GRM1: variants seen among roughly 807,000 people sequenced by gnomAD.
The protein encoded by GRM1 is metabotropic glutamate receptor 1.
GRM1 carries 33 observed loss-of-function variants against 90.9 expected under a neutral mutation model. The ratio of observed to expected loss-of-function variants is 0.36; its 90% confidence interval spans 0.28 to 0.49. GRM1 has a LOEUF of 0.49. Among genes scored for constraint, GRM1 ranks in the 20% least tolerant of loss-of-function variants. The pLI, the probability that GRM1 is intolerant of heterozygous loss-of-function variation, is 0.99. For synonymous variants in GRM1, 700 were observed against 613.2 expected (o/e 1.14, Z -2.09); for missense variants, 1,190 against 1,534.3 (o/e 0.78, Z 3.75).
At chr6:146,086,358 T>C (rs772136113) in intron 1 of GRM1, among the ~76,000 whole-genome samples, 2 of 152,120 alleles carry the variant, frequency 1.3e-5, no homozygotes, top group Non-Finnish European at 2.9e-5. Context: ...GTTTACAATA[T>C]AAGCTACAAC....
rs181442421 is a variant in GRM1 at position 146,394,276 on chromosome 6, G to C, written c.1730-4493G>C. ...TTAATATAACTAAATTATTGAGTTAGTGTGATGATTGTCTCTAGTATATCT... is the reference window on the plus strand; with the variant it reads ...TTAATATAACTAAATTATTGAGTTACTGTGATGATTGTCTCTAGTATATCT... On this transcript the variant is annotated intron_variant, in intron 6 of 7. Coordinates refer to ENST00000282753, the MANE Select transcript of GRM1 (RefSeq NM_001278064.2). Among the ~76,000 whole-genome samples the C allele has an allele frequency of 1.5e-3, 228 of 152,254 alleles. 2 individuals are homozygous for C. The Middle Eastern group carries it at 0.034, about 23-fold the overall frequency.
chr6:146,035,188 A>G (rs193298196), intron 1 of GRM1, among the ~76,000 whole-genome samples: 116 of 152,106 alleles, frequency 7.6e-4, no homozygotes, highest in African/African-American at 2.7e-3. Context: ...AGTCTGGGGT[A>G]AGAACTAATA....
intron 1 of GRM1, among the ~76,000 whole-genome samples, chr6:146,076,510 C>T (rs747284724): frequency 3.9e-4 from 59 of 151,978 alleles, no homozygotes; most frequent in Non-Finnish European, 6.2e-4. Context: ...AGATATAGCT[C>T]GAAGGTTTGC....
chr6:146,163,797 C>T (rs1777816560), intron 2 of GRM1, among the ~76,000 whole-genome samples: 1 of 152,128 alleles, frequency 6.6e-6, no homozygotes, highest in African/African-American at 2.4e-5. Flanking sequence ...AATTATTTTA[C>T]ATTTCTAGTT....
intron 1 of GRM1, among the ~76,000 whole-genome samples, chr6:146,034,088 C>T (rs1234264099): frequency 1.3e-5 from 2 of 152,020 alleles, no homozygotes; most frequent in African/African-American, 2.4e-5. Flanking sequence ...ACGTGCTTGC[C>T]CACGCTCAAA....
intron 5 of GRM1, among the ~76,000 whole-genome samples, chr6:146,384,359 T>C (rs975232720): frequency 6.6e-6 from 1 of 152,052 alleles, no homozygotes; most frequent in Admixed American, 6.6e-5. Context: ...AGTAGAGATA[T>C]CTTGTTGAAT....
chr6:146,418,482 C>T (rs1777865918), intron 7 of GRM1, among the ~76,000 whole-genome samples: 1 of 151,692 alleles, frequency 6.6e-6, no homozygotes, highest in Non-Finnish European at 1.5e-5. Flanking sequence ...AAAGAAAAAT[C>T]ACCACTGATA....
chr6:146,315,430 T>C (rs1783933423), intron 3 of GRM1, among the ~76,000 whole-genome samples: 1 of 152,090 alleles, frequency 6.6e-6, no homozygotes, highest in Admixed American at 6.6e-5. Flanking sequence ...ATTGAATCCT[T>C]AGAGATGTAA....
intron 1 of GRM1, among the ~76,000 whole-genome samples, chr6:146,060,273 G>T (rs1775618168): frequency 6.6e-6 from 1 of 151,924 alleles, no homozygotes; most frequent in African/African-American, 2.4e-5. Context: ...TCAGGCTCAG[G>T]TGTACATGTG....
intron 3 of GRM1, among the ~76,000 whole-genome samples, chr6:146,310,418 C>G (rs1783732157): frequency 1.3e-5 from 2 of 152,194 alleles, no homozygotes; most frequent in Non-Finnish European, 2.9e-5. Context: ...AATAACTTCT[C>G]TTTATCTTGG....
chr6:146,263,348 T>C (rs983857656), intron 2 of GRM1, among the ~76,000 whole-genome samples: 4 of 151,998 alleles, frequency 2.6e-5, no homozygotes, highest in Admixed American at 2.0e-4. Flanking sequence ...ATTAGTATGA[T>C]TGCAGTTTTG....
chr6:146,076,895 C>G (rs540183493), intron 1 of GRM1, among the ~76,000 whole-genome samples: 1 of 152,118 alleles, frequency 6.6e-6, no homozygotes, highest in South Asian at 2.1e-4. Flanking sequence ...CTGCGTATAC[C>G]CTCCGTGGGA....
chr6:146,273,966 C>T (rs1782262552), intron 2 of GRM1, among the ~76,000 whole-genome samples: 1 of 152,130 alleles, frequency 6.6e-6, no homozygotes, highest in Non-Finnish European at 1.5e-5. Context: ...AAATGTTCTG[C>T]AATAATATGT....
At chr6:146,058,958 G>A (rs1196502771) in intron 1 of GRM1, among the ~76,000 whole-genome samples, 5 of 152,118 alleles carry the variant, frequency 3.3e-5, no homozygotes, top group African/African-American at 9.6e-5. Context: ...CAACACATCC[G>A]CAGTGACTTT....
chr6:146,076,080 G>T (rs62434303), intron 1 of GRM1, among the ~76,000 whole-genome samples: 93 of 152,302 alleles, frequency 6.1e-4, no homozygotes, highest in Admixed American at 2.6e-3. Flanking sequence ...AGCAATGCAG[G>T]TATTTGTGTT....
chr6:146,224,356 A>C (rs1421313464), intron 2 of GRM1, among the ~76,000 whole-genome samples: 1 of 152,136 alleles, frequency 6.6e-6, no homozygotes. Flanking sequence ...AACTATTTTA[A>C]TGATGGTTAT....
chr6:146,244,819 G>C (rs923789089), intron 2 of GRM1, among the ~76,000 whole-genome samples: 3 of 152,110 alleles, frequency 2.0e-5, no homozygotes, highest in Non-Finnish European at 4.4e-5. Flanking sequence ...ACTCAGTTTG[G>C]GAAATAGAGC....
At chr6:146,246,924 T>C (rs750038169) in intron 2 of GRM1, among the ~76,000 whole-genome samples, 3 of 152,224 alleles carry the variant, frequency 2.0e-5, no homozygotes, top group Non-Finnish European at 4.4e-5. Flanking sequence ...GAGTCTCTTT[T>C]GGATCCAAGT....
At chr6:146,390,364 A>G (rs1562660911) in intron 6 of GRM1, among the ~76,000 whole-genome samples, 1 of 151,940 alleles carries the variant, frequency 6.6e-6, no homozygotes, top group African/African-American at 2.4e-5. Flanking sequence ...AAAGTTTCTC[A>G]TATTTTCTTC....
Sources: allele counts gnomAD v4.1 joint callset (sites outside exome capture counted in the v4.1 genomes callset), GRCh38; gene constraint gnomAD v4.1.1; transcripts MANE v1.5; gene names NCBI Gene and HGNC (gene_info 2026-07-23, HGNC 2026-07-21).